DCBLD1: variants seen among roughly 807,000 people sequenced by gnomAD.
The protein encoded by DCBLD1 is discoidin, CUB and LCCL domain containing 1, also known as discoidin, CUB and LCCL domain-containing protein 1.
Under a neutral mutation model 71.5 loss-of-function variants are expected in DCBLD1, and 57 were observed. The ratio of observed to expected loss-of-function variants is 0.80; its 90% CI spans 0.64 to 0.99. The LOEUF (loss-of-function observed/expected upper bound fraction) is 0.99, where lower values mean the gene tolerates loss of function less well. Among genes scored for constraint, DCBLD1 ranks in the 50% least tolerant of loss-of-function variants. DCBLD1 has a pLI of 0.00. For synonymous variants in DCBLD1, 380 were observed against 363.8 expected (o/e 1.04, Z -0.51); for missense variants, 891 against 923.5 (o/e 0.96, Z 0.46).
rs763653588 is a variant in DCBLD1 at position 117,540,828 on chromosome 6, G to A, written c.1249+13G>A. 3 of 1,614,182 alleles carry A rather than the reference G, an allele frequency of 1.9e-6. No individual in the cohort carries two copies. The highest frequency in any genetic ancestry group is 2.2e-5 in the East Asian group (1 of 44,888). ...CAGATTACACAAGGTAGGGCTCAGG[G>A]CAAGCCAGTGAGTTACTCAAGTTTG... On this transcript the variant is annotated intron_variant, in intron 10 of 14. Coordinates refer to ENST00000338728, the MANE Select transcript of DCBLD1 (RefSeq NM_001366458.2).
At chr6:117,510,575 T>G (rs549227278) in intron 2 of DCBLD1, among the ~76,000 whole-genome samples, 1 of 152,344 alleles carries the variant, frequency 6.6e-6, no homozygotes, top group African/African-American at 2.4e-5. Context: ...AATTACGTTT[T>G]ATTCATGCTC....
intron 14 of DCBLD1, chr6:117,561,260 A>C (rs2114594949): frequency 4.5e-6 from 1 of 223,624 alleles, no homozygotes; most frequent in Non-Finnish European, 8.9e-6. Flanking sequence ...TTCCAACTTG[A>C]AGTTTTAAAA....
intron 1 of DCBLD1, among the ~76,000 whole-genome samples, chr6:117,487,442 T>G (rs1777128664): frequency 6.6e-6 from 1 of 152,056 alleles, no homozygotes; most frequent in African/African-American, 2.4e-5. Context: ...CTGAGCAACA[T>G]AGCGAAATCC....
chr6:117,487,112 G>A (rs12717173), intron 1 of DCBLD1, among the ~76,000 whole-genome samples: 2,446 of 152,136 alleles, frequency 0.016, 55 homozygotes, highest in African/African-American at 0.056. Context: ...AAAAAGGTTG[G>A]TGACCACTGC....
At chr6:117,483,263 G>C (rs1054699565) in intron 1 of DCBLD1, among the ~76,000 whole-genome samples, 2 of 152,232 alleles carry the variant, frequency 1.3e-5, no homozygotes, top group African/African-American at 4.8e-5. Context: ...GGTCGCCTTA[G>C]GGGACAGCCG....
Position 117,543,164 on chromosome 6 carries a change from T to G in DCBLD1, c.1398T>G (p.Leu466=), listed in dbSNP as rs1449476848. Residue 466 remains leucine (L), a synonymous_variant, in exon 12 of 15, where the codon CTT becomes CTG. Coordinates refer to ENST00000338728, the MANE Select transcript of DCBLD1 (RefSeq NM_001366458.2). The stretch of plus-strand genomic sequence containing the variant: ...CGGTGGCTATTCCATTGGTGCTCCT[T>G]GTTGTCCTGGTGTTTGCTGGAATGG... ...ITTVAIPLVL[L]VVLVFAGMGI... The G allele has an allele frequency of 6.2e-6, 10 of 1,614,178 alleles. No individual in the cohort carries two copies. The highest frequency in any genetic ancestry group is 8.5e-6 in the Non-Finnish European group (10 of 1,180,018).
rs773866086 is a variant in DCBLD1 at position 117,544,543 on chromosome 6, A to T, written c.1461A>T (p.Gly487=). ...GTCTTGATAGGAAGAAGAAGAAAGGAAGTCCGTATGGATCAGCAGAGGCTC... is the reference window on the plus strand; with the variant it reads ...GTCTTGATAGGAAGAAGAAGAAAGGTAGTCCGTATGGATCAGCAGAGGCTC... ...FAAFRKKKKK[G]SPYGSAEAQK... Residue 487 remains glycine (G), a synonymous_variant, in exon 13 of 15, where the codon GGA becomes GGT. Coordinates refer to ENST00000338728, the MANE Select transcript of DCBLD1 (RefSeq NM_001366458.2). The T allele has an allele frequency of 3.0e-5, 49 of 1,613,844 alleles. No individual in the cohort carries two copies. Among genetic ancestry groups the T allele is most frequent in the Non-Finnish European group, 3.6e-5 (43 of 1,179,956 alleles).
intron 14 of DCBLD1, among the ~76,000 whole-genome samples, chr6:117,566,150 G>A (rs879448659): frequency 1.3e-5 from 2 of 152,150 alleles, no homozygotes; most frequent in Admixed American, 6.6e-5. Flanking sequence ...TTAGTGCTAA[G>A]GCACCAGCAG....
chr6:117,487,218 C>A (rs1001040038), intron 1 of DCBLD1, among the ~76,000 whole-genome samples: 7 of 151,828 alleles, frequency 4.6e-5, no homozygotes, highest in African/African-American at 1.7e-4. Context: ...GAGTTTTGTG[C>A]CTTGAACAGT....
At chr6:117,504,085 G>C (rs1582980403) in intron 2 of DCBLD1, 106 bp downstream of exon 2, 1 of 1,251,094 alleles carries the variant, frequency 8.0e-7, no homozygotes, top group East Asian at 2.4e-5. Context: ...GATTAGAAGA[G>C]AAACTTGCTT....
intron 2 of DCBLD1, among the ~76,000 whole-genome samples, chr6:117,510,586 T>G (rs892072712): frequency 2.0e-5 from 3 of 152,216 alleles, no homozygotes; most frequent in Admixed American, 6.5e-5. Flanking sequence ...ATTCATGCTC[T>G]TTTATTCACC....
At chr6:117,560,289 A>ATGTT (rs377447730) in intron 14 of DCBLD1, 1 of 175,474 alleles carries the variant, frequency 5.7e-6, no homozygotes. Flanking sequence ...AGGAAACAAA[A>ATGTT]TGTTTATTTA....
intron 1 of DCBLD1, among the ~76,000 whole-genome samples, chr6:117,501,333 A>ATTGTTG (rs550073025): frequency 5.0e-5 from 4 of 80,424 alleles, no homozygotes; most frequent in Admixed American, 2.2e-4. Context: ...TTCAGTTGTC[A>ATTGTTG]TTGTTGTTGT....
chr6:117,528,596 G>A (rs541747718), intron 5 of DCBLD1, among the ~76,000 whole-genome samples: 17 of 152,234 alleles, frequency 1.1e-4, no homozygotes, highest in Non-Finnish European at 2.4e-4. Flanking sequence ...AATCTGTTTG[G>A]CCATCATTTA....
intron 14 of DCBLD1, among the ~76,000 whole-genome samples, chr6:117,547,178 T>G (rs1779293371): frequency 6.6e-6 from 1 of 152,226 alleles, no homozygotes; most frequent in South Asian, 2.1e-4. Flanking sequence ...CCCATAGAAT[T>G]AAACCAGACT....
At chr6:117,553,700 C>T (rs995617013), downstream of DCBLD1, among the ~76,000 whole-genome samples, 1 of 152,214 alleles carries the variant, frequency 6.6e-6, no homozygotes, top group African/African-American at 2.4e-5. Context: ...GCCCCTTTTG[C>T]ATCCTTTCAG....
chr6:117,545,293 G>A (rs555100538), intron 13 of DCBLD1, among the ~76,000 whole-genome samples, 185 bp from the exon 14 acceptor site: 1 of 152,126 alleles, frequency 6.6e-6, no homozygotes, highest in Non-Finnish European at 1.5e-5. Context: ...CATGGTTAGA[G>A]TAGTGTTTGC....
intron 1 of DCBLD1, among the ~76,000 whole-genome samples, chr6:117,494,164 A>G (rs1320127036): frequency 2.6e-5 from 4 of 152,084 alleles, no homozygotes; most frequent in Non-Finnish European, 5.9e-5. Flanking sequence ...TCCTTTCCCA[A>G]TAACTTTTTG....
intron 2 of DCBLD1, among the ~76,000 whole-genome samples, chr6:117,513,137 A>G (rs1027988597): frequency 6.6e-6 from 1 of 152,230 alleles, no homozygotes; most frequent in Non-Finnish European, 1.5e-5. Context: ...ATTGCTGTAC[A>G]GATTGTCAGA....
Sources: allele counts gnomAD v4.1 joint callset (sites outside exome capture counted in the v4.1 genomes callset), GRCh38; gene constraint gnomAD v4.1.1; transcripts MANE v1.5; gene names NCBI Gene and HGNC (gene_info 2026-07-23, HGNC 2026-07-21).